The following QSOX1 variants were observed in gnomAD, a reference collection of about 807,000 sequenced individuals.
QSOX1 encodes sulfhydryl oxidase 1.
A neutral mutation model predicts 76.1 loss-of-function variants in QSOX1; 40 were observed. The ratio of observed to expected loss-of-function variants is 0.53; its 90% CI spans 0.41 to 0.68. QSOX1 has a LOEUF of 0.68. Among genes scored for constraint, QSOX1 ranks in the 30% least tolerant of loss-of-function variants. The pLI is 0.00. For synonymous variants in QSOX1, 392 were observed against 413.1 expected, an observed-to-expected ratio of 0.95 and a Z score of 0.62; for missense variants, 931 against 974.3, an observed-to-expected ratio of 0.96 and a Z score of 0.59.
At chr1:180,183,875 T>C in intron 6 of QSOX1, 41 bp from the exon 7 acceptor site, 1 of 1,588,042 alleles carries the variant, frequency 6.3e-7, no homozygotes, top group South Asian at 1.1e-5. Flanking sequence ...TCTTGTTCTC[T>C]GCACTTACTG....
At chr1:180,178,971 T>C in intron 5 of QSOX1, 87 bp downstream of exon 5, 1 of 1,245,464 alleles carries the variant, frequency 8.0e-7, no homozygotes, top group East Asian at 2.3e-5. Context: ...CTGCCAATTC[T>C]AGGGTCTTGG....
intron 2 of QSOX1, among the ~76,000 whole-genome samples, chr1:180,167,266 A>G (rs1164158570): frequency 3.9e-5 from 6 of 152,214 alleles, no homozygotes; most frequent in African/African-American, 1.2e-4. Context: ...GCTCCAATCC[A>G]ATTAGTTTTC....
chr1:180,161,780 A>C (rs1034236792), intron 1 of QSOX1, among the ~76,000 whole-genome samples: 3 of 152,236 alleles, frequency 2.0e-5, no homozygotes, highest in Non-Finnish European at 2.9e-5. Context: ...AGTCTCATGT[A>C]ATTAATTCTT....
Position 180,162,583 on chromosome 1 carries a change from T to A in QSOX1, c.266-3908T>A, listed in dbSNP as rs56151584. On this transcript the variant is annotated intron_variant, in intron 1 of 11. Coordinates refer to ENST00000367602, the MANE Select transcript of QSOX1 (RefSeq NM_002826.5). ...AGACCCCATTTCTATATTAAAATTT[T>A]AAAAAATTAGCCAGGTGTGGTGGTG... Among the ~76,000 whole-genome samples, 3,332 of 152,048 alleles carry A rather than the reference T, an allele frequency of 0.022. 187 individuals are homozygous for A. In the East Asian group the frequency reaches 0.23, roughly 11 times the overall value.
At position 180,154,894 on chromosome 1, in the gene QSOX1, G is replaced by T. The variant is rs1340663753; in HGVS notation, c.-14G>T. 1 of 1,424,384 alleles carries T rather than the reference G, an allele frequency of 7.0e-7. No individual in the cohort carries two copies. The allele number at this position is 1,424,384 out of a possible 1,614,324, so 88.2% of individuals were successfully genotyped here. On this transcript the variant is annotated 5_prime_UTR_variant, in exon 1 of 12. Coordinates refer to ENST00000367602, the MANE Select transcript of QSOX1 (RefSeq NM_002826.5). The stretch of plus-strand genomic sequence containing the variant: ...ATCCGGTGCTTGCGTGTGGTGGTGA[G>T]CGCAGCGCCGAGGATGAGGAGGTGC...
rs1165166492 is a variant in QSOX1 at position 180,200,161 on chromosome 1, C to CTCAG, written c.*3125_*3126insCAGT. 6.6e-6 allele frequency: 1 copy of CTCAG among 152,238 alleles called. No homozygotes were observed. The highest frequency in any genetic ancestry group is 1.5e-5 in the Non-Finnish European group (1 of 68,062). The allele number at this position is 152,238 out of a possible 1,614,324, so 9.4% of individuals were successfully genotyped here. ...GTTTGAATCCAGCTTCCAACACTCA[C>CTCAG]TGGCTGTGTGACTTTGGGCAAGATA... is the stretch of plus-strand genomic sequence containing the variant. On this transcript the variant is annotated 3_prime_UTR_variant, in exon 12 of 12. Coordinates refer to ENST00000367602, the MANE Select transcript of QSOX1 (RefSeq NM_002826.5).
At chr1:180,176,140 G>A in intron 4 of QSOX1, 107 bp downstream of exon 4, 2 of 875,124 alleles carry the variant, frequency 2.3e-6, no homozygotes, top group Non-Finnish European at 3.6e-6. Context: ...TATTTTCCTT[G>A]CTGCCTTTGC....
intron 2 of QSOX1, among the ~76,000 whole-genome samples, chr1:180,170,246 A>G (rs1003701559): frequency 1.3e-5 from 2 of 152,084 alleles, no homozygotes; most frequent in African/African-American, 2.4e-5. Context: ...GGACTCCAGG[A>G]TGTCTCCTGT....
chr1:180,156,828 CAG>C (rs1455111832), intron 1 of QSOX1, among the ~76,000 whole-genome samples: 2 of 152,142 alleles, frequency 1.3e-5, no homozygotes, highest in East Asian at 1.9e-4. Context: ...AAGGTAATCT[CAG>C]GGGACATTGT....
rs1415499773 is a variant in QSOX1 at position 180,197,099 on chromosome 1, C to T, written c.*62C>T. ...CTCTAGGCACCTCAAGCCCCCTGAC[C>T]CCATTCCCTCCCCTCCCACCCCTTG... On this transcript the variant is annotated 3_prime_UTR_variant, in exon 12 of 12. Coordinates refer to ENST00000367602, the MANE Select transcript of QSOX1 (RefSeq NM_002826.5). The T allele has an allele frequency of 1.3e-6, 2 of 1,514,376 alleles. No individual in the cohort carries two copies. Among genetic ancestry groups the T allele is most frequent in the East Asian group, 4.7e-5 (2 of 42,612 alleles). The allele number at this position is 1,514,376 out of a possible 1,614,324, so 93.8% of individuals were successfully genotyped here. A position where few individuals can be genotyped will look rare whatever the true frequency, so the allele number is the denominator to read the frequency against.
Position 180,198,140 on chromosome 1 carries a change from C to T in QSOX1, c.*1103C>T, listed in dbSNP as rs1000099301. ...GAATGCAGCCAGACTCGATGTCCCT[C>T]AGCACACACAGCTCCTGGCCACAGA... On this transcript the variant is annotated 3_prime_UTR_variant, in exon 12 of 12. Coordinates refer to ENST00000367602, the MANE Select transcript of QSOX1 (RefSeq NM_002826.5). The T allele has an allele frequency of 2.2e-6, 1 of 456,094 alleles. No individual in the cohort carries two copies. Among genetic ancestry groups the T allele is most frequent in the South Asian group, 1.6e-5 (1 of 64,516 alleles). 28.3% of individuals were successfully genotyped at this position (456,094 alleles called of 1,614,324 possible).
chr1:180,157,379 T>G (rs753091102), intron 1 of QSOX1, among the ~76,000 whole-genome samples: 1 of 152,222 alleles, frequency 6.6e-6, no homozygotes, highest in Non-Finnish European at 1.5e-5. Flanking sequence ...AAGCTAGGGT[T>G]GGTCTCGCTT....
intron 2 of QSOX1, among the ~76,000 whole-genome samples, chr1:180,172,493 G>A (rs1357084843): frequency 6.6e-6 from 1 of 152,124 alleles, no homozygotes; most frequent in African/African-American, 2.4e-5. Context: ...GCTTGTGGCT[G>A]CAGGGATCTT....
At position 180,203,666 on chromosome 1, in the gene QSOX1, C is replaced by T. The variant is rs564864529; in HGVS notation, c.*6629C>T. 2.0e-5 allele frequency: 3 copies of T among 152,190 alleles called. No individual in the cohort carries two copies. Among genetic ancestry groups the T allele is most frequent in the Non-Finnish European group, 4.4e-5 (3 of 68,038 alleles). The allele number at this position is 152,190 out of a possible 1,614,324, so 9.4% of individuals were successfully genotyped here. A position where few individuals can be genotyped will look rare whatever the true frequency, so the allele number is the denominator to read the frequency against. On this transcript the variant is annotated 3_prime_UTR_variant, in exon 12 of 12. Coordinates refer to ENST00000367602, the MANE Select transcript of QSOX1 (RefSeq NM_002826.5). ...CCTATGATGTAACCAACAGACCAAA[C>T]CAATATGGAGTCATTCATGCTAAAT...
At chr1:180,158,000 T>C (rs1439567579) in intron 1 of QSOX1, among the ~76,000 whole-genome samples, 1 of 152,248 alleles carries the variant, frequency 6.6e-6, no homozygotes. Flanking sequence ...AGTAGTTATT[T>C]ATTACACGCT....
intron 11 of QSOX1, among the ~76,000 whole-genome samples, chr1:180,194,819 G>A (rs2149243441): frequency 6.6e-6 from 1 of 152,302 alleles, no homozygotes; most frequent in East Asian, 1.9e-4. Flanking sequence ...TCCCAGGAGG[G>A]AGCCTTGCCC....
intron 10 of QSOX1, among the ~76,000 whole-genome samples, chr1:180,192,084 C>G (rs146759563): frequency 6.6e-6 from 1 of 152,190 alleles, no homozygotes; most frequent in Non-Finnish European, 1.5e-5. Flanking sequence ...TCTTTAAAGA[C>G]CCTGTCTCCA....
chr1:180,188,152 C>T (rs149108363), intron 8 of QSOX1, among the ~76,000 whole-genome samples: 85 of 152,336 alleles, frequency 5.6e-4, no homozygotes, highest in African/African-American at 1.8e-3. Context: ...CACCCACTCG[C>T]ATCCAGCCCA....
Position 180,198,085 on chromosome 1 carries a change from G to C in QSOX1, c.*1048G>C. The C allele has an allele frequency of 4.6e-6, 2 of 438,552 alleles. No individual in the cohort carries two copies. Among genetic ancestry groups the C allele is most frequent in the South Asian group, 3.2e-5 (2 of 63,010 alleles). The allele number at this position is 438,552 out of a possible 1,614,324, so 27.2% of individuals were successfully genotyped here. On this transcript the variant is annotated 3_prime_UTR_variant, in exon 12 of 12. Transcript: ENST00000367602. Reference sequence around the variant, plus strand: ...ACTTGGAGACCTAGTGTCCAGTCTGGACAGAATGCACAGAGACCAGCCTCA... The same window carrying C: ...ACTTGGAGACCTAGTGTCCAGTCTGCACAGAATGCACAGAGACCAGCCTCA...
Sources: gnomAD v4.1 joint callset for allele counts (sites outside exome capture counted in the v4.1 genomes callset) on GRCh38, gnomAD v4.1.1 for gene constraint, MANE v1.5 for transcripts, NCBI Gene and HGNC (gene_info 2026-07-23, HGNC 2026-07-21) for gene names.